Variants in SPON1 observed in about 807,000 individuals in gnomAD.
SPON1 encodes spondin 1, also known as spondin-1.
Under a neutral mutation model 111.7 loss-of-function variants are expected in SPON1, and 52 were observed. The observed-to-expected ratio is 0.47, with a 90% CI of 0.37 to 0.59. SPON1 has a LOEUF of 0.59. Ranked by LOEUF, SPON1 falls within the 20% of genes least tolerant of loss-of-function variation. SPON1 has a pLI of 0.00. For synonymous variants in SPON1, 410 were observed against 395.8 expected (o/e 1.04, Z -0.43); for missense variants, 957 against 1,068.5 (o/e 0.90, Z 1.46).
chr11:13,995,610 G>T (rs1252141792), intron 2 of SPON1, among the ~76,000 whole-genome samples: 2 of 152,062 alleles, frequency 1.3e-5, no homozygotes, highest in African/African-American at 4.8e-5. Context: ...CCCTACACAT[G>T]GGGATTAAAA....
chr11:14,091,141 G>A (rs1217878635), intron 5 of SPON1, among the ~76,000 whole-genome samples: 2 of 152,142 alleles, frequency 1.3e-5, no homozygotes, highest in African/African-American at 4.8e-5. Flanking sequence ...GATACAGAGT[G>A]TCGATTGGTG....
At chr11:14,061,026 AT>A (rs1256332524) in intron 3 of SPON1, among the ~76,000 whole-genome samples, 1 of 152,132 alleles carries the variant, frequency 6.6e-6, no homozygotes, top group Non-Finnish European at 1.5e-5. Flanking sequence ...GAAAGATAAA[AT>A]TTTTCAAGCT....
At chr11:13,976,955 A>G (rs2697843) in intron 1 of SPON1, among the ~76,000 whole-genome samples, 116,712 of 152,168 alleles carry the variant, frequency 0.77, 45,183 homozygotes, top group African/African-American at 0.86. Context: ...TAATCATACC[A>G]TTTGTATTCT....
At position 14,254,512 on chromosome 11, in the gene SPON1, T is replaced by C; in HGVS notation, c.891-16T>C. 1.3e-6 allele frequency: 2 copies of C among 1,580,164 alleles called. No individual in the cohort carries two copies. Among genetic ancestry groups the C allele is most frequent in the Non-Finnish European group, 1.7e-6 (2 of 1,163,490 alleles). ...CCCAGAACTCTAATATAATGGTCTC[T>C]GTATTTCGTTTCCAGGAGAGCAGCA... On this transcript the variant is annotated splice_polypyrimidine_tract_variant and intron_variant, in intron 7 of 15. Transcript: ENST00000576479.
At chr11:14,119,048 T>C (rs1849285445) in intron 5 of SPON1, among the ~76,000 whole-genome samples, 1 of 152,196 alleles carries the variant, frequency 6.6e-6, no homozygotes, top group African/African-American at 2.4e-5. Flanking sequence ...TCTCTAGCTT[T>C]GAATAAAGGG....
intron 3 of SPON1, among the ~76,000 whole-genome samples, chr11:14,051,274 C>T (rs1235069624): frequency 6.6e-6 from 1 of 152,162 alleles, no homozygotes; most frequent in African/African-American, 2.4e-5. Context: ...GTGGCTCACA[C>T]CTGTAGTCCC....
At chr11:14,030,130 T>A (rs1848547421) in intron 2 of SPON1, among the ~76,000 whole-genome samples, 1 of 152,204 alleles carries the variant, frequency 6.6e-6, no homozygotes, top group African/African-American at 2.4e-5. Flanking sequence ...CTCAGGTTAA[T>A]AGAGTGAGCA....
rs549005370 is a variant in SPON1 at position 14,249,886 on chromosome 11, G to A, written c.891-4642G>A. Among the ~76,000 whole-genome samples the A allele has an allele frequency of 4.6e-5, 7 of 152,292 alleles. No homozygotes were observed. The South Asian group carries it at 1.5e-3, about 32-fold the overall frequency. On this transcript the variant is annotated intron_variant, in intron 7 of 15. Coordinates refer to ENST00000576479, the MANE Select transcript of SPON1 (RefSeq NM_006108.4). ...GGCAGATGTAGTAATTGCAAAGAAA[G>A]GTGAGGTGGAAGCCCTCATCACATA...
chr11:14,113,568 ATTTTTTTTTTTTTTTTTTTTTTT>A lies in SPON1; in HGVS notation c.677-21822_677-21800del, dbSNP rs782780924. 6.8e-3 allele frequency among the ~76,000 whole-genome samples: 510 copies of A among 74,720 alleles called. 50 individuals carry two copies. The highest frequency in any genetic ancestry group is 0.024 in the African/African-American group (459 of 18,766). 49.0% of individuals were successfully genotyped at this position (74,720 alleles called of 152,430 possible). ...AAGTCACCTCCTATGTACTTTTTAA[ATTTTTTTTTTTTTTTTTTTTTTT>A]TTTTTTTTTTTTTTTTTTTTTTTTT... is the stretch of plus-strand genomic sequence containing the variant. On this transcript the variant is annotated intron_variant, in intron 5 of 15. Transcript: ENST00000576479.
chr11:14,064,751 G>A (rs782766396), intron 3 of SPON1, among the ~76,000 whole-genome samples: 7 of 152,120 alleles, frequency 4.6e-5, no homozygotes, highest in African/African-American at 7.2e-5. Context: ...CAGTCCCCTG[G>A]CAGAGCATAG....
intron 2 of SPON1, among the ~76,000 whole-genome samples, chr11:13,990,159 C>T (rs143640935): frequency 0.046 from 6,979 of 151,942 alleles, 252 homozygotes; most frequent in South Asian, 0.13. Context: ...TAAAGTCTCC[C>T]GCTATTACTG....
At chr11:14,060,902 G>C (rs782725239) in intron 3 of SPON1, among the ~76,000 whole-genome samples, 3 of 151,992 alleles carry the variant, frequency 2.0e-5, no homozygotes, top group African/African-American at 7.3e-5. Context: ...GTGAACAAGA[G>C]TGAGTCTCTA....
At chr11:14,047,566 G>C (rs1397723354) in intron 3 of SPON1, among the ~76,000 whole-genome samples, 7 of 152,136 alleles carry the variant, frequency 4.6e-5, no homozygotes, top group African/African-American at 1.7e-4. Flanking sequence ...GATATTAATG[G>C]GGGACAAATT....
At chr11:14,042,521 C>T (rs1431587068) in intron 3 of SPON1, among the ~76,000 whole-genome samples, 1 of 152,040 alleles carries the variant, frequency 6.6e-6, no homozygotes, top group Non-Finnish European at 1.5e-5. Flanking sequence ...TGGAATGATG[C>T]TGAGAATGTT....
intron 1 of SPON1, among the ~76,000 whole-genome samples, chr11:13,965,457 G>A (rs781959188): frequency 1.3e-5 from 2 of 152,098 alleles, no homozygotes; most frequent in South Asian, 4.2e-4. Flanking sequence ...TGGTATTCAC[G>A]GGGCCAAAGA....
intron 6 of SPON1, among the ~76,000 whole-genome samples, chr11:14,187,671 G>C (rs1464273533): frequency 1.3e-5 from 2 of 152,234 alleles, no homozygotes; most frequent in Middle Eastern, 3.4e-3. Flanking sequence ...CTGGAGTGCA[G>C]TGGTGCAATC....
chr11:14,071,880 GTAGAGATGAGGTTT>G (rs1848879957), intron 3 of SPON1, among the ~76,000 whole-genome samples: 1 of 152,008 alleles, frequency 6.6e-6, no homozygotes, highest in African/African-American at 2.4e-5. Flanking sequence ...TGTATTTTTG[GTAGAGATGAGGTTT>G]TAGCATGTTG....
chr11:14,020,624 T>A (rs782296198), intron 2 of SPON1, among the ~76,000 whole-genome samples: 1 of 152,210 alleles, frequency 6.6e-6, no homozygotes, highest in South Asian at 2.1e-4. Flanking sequence ...AGGATGTTGA[T>A]TGCAGCCTTG....
chr11:14,140,559 T>C (rs539351776), intron 6 of SPON1, among the ~76,000 whole-genome samples: 1 of 152,284 alleles, frequency 6.6e-6, no homozygotes, highest in Non-Finnish European at 1.5e-5. Context: ...CATGCCCAGC[T>C]AATTTTTGTA....
Sources: allele counts gnomAD v4.1 joint callset (sites outside exome capture counted in the v4.1 genomes callset), GRCh38; gene constraint gnomAD v4.1.1; transcripts MANE v1.5; gene names NCBI Gene and HGNC (gene_info 2026-07-23, HGNC 2026-07-21).